NRXN1: variants seen among roughly 807,000 people sequenced by gnomAD.
NRXN1 encodes the protein neurexin-1.
Under a neutral mutation model 150.9 loss-of-function variants are expected in NRXN1, and 39 were observed. That is an observed-to-expected ratio of 0.26 (90% CI 0.20 to 0.34). The LOEUF is 0.34. Ranked by LOEUF, NRXN1 falls within the 10% of genes least tolerant of loss-of-function variation. The pLI, the probability that NRXN1 is intolerant of heterozygous loss-of-function variation, is 1.00. For synonymous variants in NRXN1, 924 were observed against 757.0 expected (o/e 1.22, Z -3.62); for missense variants, 1,815 against 1,949.9 (o/e 0.93, Z 1.30).
At chr2:50,148,404 T>C (rs1234315750) in intron 18 of NRXN1, among the ~76,000 whole-genome samples, 1 of 151,574 alleles carries the variant, frequency 6.6e-6, no homozygotes, top group African/African-American at 2.4e-5. Flanking sequence ...CTTGCTACAT[T>C]GCTCAAACAA....
intron 17 of NRXN1, among the ~76,000 whole-genome samples, chr2:50,418,643 C>G (rs1017022498): frequency 2.6e-5 from 4 of 151,814 alleles, no homozygotes; most frequent in African/African-American, 9.7e-5. Flanking sequence ...AAAGGCATAC[C>G]CTTGTACAGG....
chr2:50,882,416 A>T (rs1027943458), intron 5 of NRXN1, among the ~76,000 whole-genome samples: 5 of 151,866 alleles, frequency 3.3e-5, no homozygotes, highest in African/African-American at 7.2e-5. Context: ...TATTGCTTTC[A>T]GTATTTTATT....
chr2:50,517,347 C>T (rs1302386171), intron 12 of NRXN1, among the ~76,000 whole-genome samples: 1 of 151,940 alleles, frequency 6.6e-6, no homozygotes, highest in Admixed American at 6.6e-5. Context: ...TAGCTCAGTG[C>T]CTTGAACATA....
At chr2:50,255,320 T>C (rs1405181004) in intron 17 of NRXN1, among the ~76,000 whole-genome samples, 1 of 152,190 alleles carries the variant, frequency 6.6e-6, no homozygotes, top group South Asian at 2.1e-4. Flanking sequence ...AGGTTCTCTA[T>C]GGAGAATTTT....
In NRXN1 at chr2:50,947,355, C is replaced by A. The variant is rs72891369; in HGVS notation, c.773-21400G>T. Reference sequence around the variant, plus strand: ...TGTCAAATACTGTAGTTCAAATATACAAATACTATTATTTTAAAATAATTT... The same window carrying A: ...TGTCAAATACTGTAGTTCAAATATAAAAATACTATTATTTTAAAATAATTT... On this transcript the variant is annotated intron_variant, in intron 2 of 22. Transcript: ENST00000401669. Among the ~76,000 whole-genome samples, 1,496 of 151,884 alleles carry A rather than the reference C, an allele frequency of 9.8e-3. 24 individuals are homozygous for A. The highest frequency in any genetic ancestry group is 0.035 in the African/African-American group (1,440 of 41,482).
At chr2:50,232,209 A>T (rs2065004224) in intron 18 of NRXN1, among the ~76,000 whole-genome samples, 1 of 151,960 alleles carries the variant, frequency 6.6e-6, no homozygotes, top group African/African-American at 2.4e-5. Flanking sequence ...TTCATCCAAC[A>T]AATATTTATT....
intron 17 of NRXN1, among the ~76,000 whole-genome samples, chr2:50,352,089 T>C (rs2078451992): frequency 1.3e-5 from 2 of 152,148 alleles, no homozygotes; most frequent in African/African-American, 4.8e-5. Context: ...CTAAGGACTG[T>C]ATGTGCTAAG....
chr2:49,924,912 TGATTA>T (rs1668823277), intron 22 of NRXN1, among the ~76,000 whole-genome samples: 1 of 152,218 alleles, frequency 6.6e-6, no homozygotes, highest in Non-Finnish European at 1.5e-5. Flanking sequence ...AATATCTAAC[TGATTA>T]ATTAATATTC....
At chr2:50,992,049 T>G (rs1011077690) in intron 2 of NRXN1, among the ~76,000 whole-genome samples, 3 of 151,974 alleles carry the variant, frequency 2.0e-5, no homozygotes, top group Non-Finnish European at 4.4e-5. Flanking sequence ...ATATAAAACT[T>G]TAGAAGCCAC....
chr2:50,253,249 G>A (rs2067336832), intron 17 of NRXN1, among the ~76,000 whole-genome samples: 1 of 152,062 alleles, frequency 6.6e-6, no homozygotes, highest in Non-Finnish European at 1.5e-5. Context: ...TCTGATTTCT[G>A]CACATTGATT....
chr2:50,280,151 G>A (rs1319265748), intron 17 of NRXN1, among the ~76,000 whole-genome samples: 10 of 151,706 alleles, frequency 6.6e-5, no homozygotes, highest in African/African-American at 2.4e-4. Context: ...GGTGGCGGGC[G>A]CCTGTAGTCC....
intron 17 of NRXN1, among the ~76,000 whole-genome samples, chr2:50,278,831 A>T (rs1416766491): frequency 6.6e-6 from 1 of 152,196 alleles, no homozygotes; most frequent in Non-Finnish European, 1.5e-5. Flanking sequence ...GTAAAAAATT[A>T]TTTAAACTAC....
intron 8 of NRXN1, among the ~76,000 whole-genome samples, chr2:50,571,129 ATC>A (rs985518018): frequency 6.6e-6 from 1 of 152,288 alleles, no homozygotes; most frequent in Admixed American, 6.5e-5. Flanking sequence ...AGGCCCAAGG[ATC>A]TGTTTCTTGG....
intron 2 of NRXN1, among the ~76,000 whole-genome samples, chr2:51,013,281 A>C (rs977566898): frequency 3.9e-5 from 6 of 152,152 alleles, no homozygotes; most frequent in Non-Finnish European, 5.9e-5. Flanking sequence ...AAACATAAGC[A>C]TGTGGGTGGA....
rs1337926891 is a variant in NRXN1 at position 50,490,531 on chromosome 2, G to T, written c.3070+5374C>A. On this transcript the variant is annotated intron_variant, in intron 15 of 22. Coordinates refer to ENST00000401669, the MANE Select transcript of NRXN1 (RefSeq NM_001330078.2). ...AGGTCCACACACTGTATTAAACCCT[G>T]TACTGGGGGGAATTGGAAAGTGAGA... Among the ~76,000 whole-genome samples, 5 of 152,160 alleles carry T rather than the reference G, an allele frequency of 3.3e-5. No homozygotes were observed. In the East Asian group the frequency reaches 9.6e-4, roughly 29 times the overall value.
intron 2 of NRXN1, among the ~76,000 whole-genome samples, chr2:50,943,840 A>G (rs1689885248): frequency 6.6e-6 from 1 of 152,232 alleles, no homozygotes; most frequent in South Asian, 2.1e-4. Flanking sequence ...GTTAGAAAAC[A>G]GTAGAGAGAG....
chr2:50,836,745 T>C (rs35737570), intron 5 of NRXN1, among the ~76,000 whole-genome samples: 1 of 151,806 alleles, frequency 6.6e-6, no homozygotes, highest in Non-Finnish European at 1.5e-5. Context: ...GTTGCTTCCA[T>C]GTAATCTTGA....
chr2:50,037,996 T>C lies in NRXN1; in HGVS notation c.4128+15275A>G, dbSNP rs114941681. On this transcript the variant is annotated intron_variant, in intron 21 of 22. Coordinates refer to ENST00000401669, the MANE Select transcript of NRXN1 (RefSeq NM_001330078.2). The stretch of plus-strand genomic sequence containing the variant: ...CATTTGAATGTGAAAAGAAATTACT[T>C]GAAATGTAGTGGGCATTCTACATTT... 6.2e-3 allele frequency among the ~76,000 whole-genome samples: 945 copies of C among 152,250 alleles called. 7 individuals are homozygous for C. Among genetic ancestry groups the C allele is most frequent in the African/African-American group, 0.021 (888 of 41,528 alleles).
chr2:50,687,425 G>A (rs775071455), intron 5 of NRXN1, among the ~76,000 whole-genome samples: 2 of 152,060 alleles, frequency 1.3e-5, no homozygotes, highest in Non-Finnish European at 2.9e-5. Context: ...ACTGTACCAT[G>A]TGGTTATATA....
Sources: allele counts gnomAD v4.1 joint callset (sites outside exome capture counted in the v4.1 genomes callset), GRCh38; gene constraint gnomAD v4.1.1; transcripts MANE v1.5; gene names NCBI Gene and HGNC (gene_info 2026-07-23, HGNC 2026-07-21).